LRRC9: variants seen among roughly 807,000 people sequenced by gnomAD.
LRRC9 encodes the protein leucine-rich repeat-containing protein 9.
In LRRC9, 122 loss-of-function variants were observed where a neutral mutation model predicts 63.2. That is an observed-to-expected ratio of 1.93 (90% CI 1.67 to 2.24). The LOEUF (loss-of-function observed/expected upper bound fraction) is 2.24, where lower values mean the gene tolerates loss of function less well. Ranked by LOEUF, LRRC9 falls within the 30% of genes most tolerant of loss-of-function variation. LRRC9 has a pLI of 0.00. For synonymous variants in LRRC9, 366 were observed against 213.1 expected (o/e 1.72, Z -6.25); for missense variants, 1,071 against 627.7 (o/e 1.71, Z -7.55).
intron 6 of LRRC9, among the ~76,000 whole-genome samples, chr14:59,935,724 C>G (rs963779855): frequency 6.6e-6 from 1 of 152,146 alleles, no homozygotes; most frequent in Non-Finnish European, 1.5e-5. Context: ...TGATATCAGA[C>G]GTGAGTAGGA....
chr14:60,032,824 C>A (rs1380991608), intron 29 of LRRC9, among the ~76,000 whole-genome samples: 2 of 152,106 alleles, frequency 1.3e-5, no homozygotes, highest in African/African-American at 2.4e-5. Flanking sequence ...AGAACACTTT[C>A]TTCCCAAGAA....
chr14:59,946,767 T>C (rs1413827135), intron 8 of LRRC9, among the ~76,000 whole-genome samples: 7 of 148,776 alleles, frequency 4.7e-5, no homozygotes, highest in Non-Finnish European at 8.9e-5. Context: ...TTTGGTTTTT[T>C]CTTCTTGCGA....
intron 1 of LRRC9, among the ~76,000 whole-genome samples, chr14:59,921,105 G>A (rs1888734696): frequency 6.6e-6 from 1 of 152,250 alleles, no homozygotes; most frequent in African/African-American, 2.4e-5. Context: ...AAATCTTTAG[G>A]GAAGTATGGA....
chr14:60,028,381 T>A (rs1486703755), intron 28 of LRRC9, among the ~76,000 whole-genome samples: 1 of 152,128 alleles, frequency 6.6e-6, no homozygotes, highest in African/African-American at 2.4e-5. Flanking sequence ...AGAGTTCTCA[T>A]TTGTTCCTTG....
chr14:59,937,364 A>G (rs1890224465), intron 6 of LRRC9, among the ~76,000 whole-genome samples: 1 of 152,118 alleles, frequency 6.6e-6, no homozygotes, highest in African/African-American at 2.4e-5. Context: ...CCCTTGGCTT[A>G]TAGACACAAG....
At chr14:60,029,807 T>C (rs921548953) in intron 28 of LRRC9, among the ~76,000 whole-genome samples, 1 of 152,096 alleles carries the variant, frequency 6.6e-6, no homozygotes, top group Non-Finnish European at 1.5e-5. Context: ...GAAGTGAGCA[T>C]TATTGATTAT....
Position 59,999,379 on chromosome 14 carries a change from G to C in LRRC9, c.2529+153G>C, listed in dbSNP as rs545155423. Among the ~76,000 whole-genome samples the C allele has an allele frequency of 5.9e-5, 9 of 152,050 alleles. No homozygotes were observed. In the East Asian group the frequency reaches 1.7e-3, roughly 29 times the overall value. ...AATCATACCACTTGGTATTTTTTCT[G>C]TTTAAATGTATCTCATTTAAATACC... On this transcript the variant is annotated intron_variant, in intron 19 of 31. Transcript: ENST00000445360.
chr14:60,047,584 T>G (rs1893540910), intron 29 of LRRC9, among the ~76,000 whole-genome samples: 1 of 152,170 alleles, frequency 6.6e-6, no homozygotes, highest in Non-Finnish European at 1.5e-5. Context: ...AATGTTTCAA[T>G]TCAACAAGAG....
At chr14:59,943,637 T>C (rs1252886273) in intron 7 of LRRC9, among the ~76,000 whole-genome samples, 1 of 152,124 alleles carries the variant, frequency 6.6e-6, no homozygotes, top group East Asian at 1.9e-4. Flanking sequence ...AATTGTTTTA[T>C]TTCTGGCAGG....
Position 59,930,843 on chromosome 14 carries a change from T to C in LRRC9, c.268-75T>C, listed in dbSNP as rs1404650065. 3.5e-6 allele frequency: 1 copy of C among 288,438 alleles called. No homozygotes were observed. The highest frequency in any genetic ancestry group is 6.4e-6 in the Non-Finnish European group (1 of 156,488). 17.9% of individuals were successfully genotyped at this position (288,438 alleles called of 1,614,324 possible). On this transcript the variant is annotated intron_variant, in intron 3 of 31. Coordinates refer to ENST00000445360, the Ensembl canonical transcript of LRRC9. This position sits in a 1 kb window ranked among gnomAD's most constrained non-coding sequence, Gnocchi z 4.9. ...ATATGATATTTAAAAGAAAATATAC[T>C]TAGAAACCTACTTCATTGGAAGGAT...
At chr14:59,991,292 G>C (rs1183031422) in intron 17 of LRRC9, among the ~76,000 whole-genome samples, 2 of 152,170 alleles carry the variant, frequency 1.3e-5, no homozygotes, top group South Asian at 4.1e-4. Context: ...ATATAAATGA[G>C]GTAAGTTGGT....
chr14:59,977,666 T>C (rs1886453145), intron 14 of LRRC9, among the ~76,000 whole-genome samples: 1 of 151,688 alleles, frequency 6.6e-6, no homozygotes, highest in Non-Finnish European at 1.5e-5. Context: ...AATACGTTTG[T>C]CAAAATTGCA....
At chr14:60,013,875 A>C (rs1334460213) in intron 23 of LRRC9, among the ~76,000 whole-genome samples, 1 of 152,024 alleles carries the variant, frequency 6.6e-6, no homozygotes, top group Non-Finnish European at 1.5e-5. Context: ...TTTATCTTTT[A>C]ATTGATGAAC....
chr14:59,993,550 G>A (rs1888406087), intron 17 of LRRC9, among the ~76,000 whole-genome samples: 1 of 152,166 alleles, frequency 6.6e-6, no homozygotes, highest in East Asian at 1.9e-4. Flanking sequence ...CCATCAGTGT[G>A]CTGTATTCAG....
intron 23 of LRRC9, among the ~76,000 whole-genome samples, chr14:60,009,131 G>A (rs1890050619): frequency 6.6e-6 from 1 of 152,042 alleles, no homozygotes; most frequent in Non-Finnish European, 1.5e-5. Flanking sequence ...TCATTTGAAG[G>A]GCCACATGAA....
intron 29 of LRRC9, 58 bp downstream of exon 29, chr14:60,032,121 A>G (rs1247188527): frequency 4.5e-6 from 3 of 666,338 alleles, no homozygotes; most frequent in Non-Finnish European, 8.1e-6. Context: ...TATAAAATTT[A>G]TTTTTATATG....
rs534432918 is a variant in LRRC9 at position 59,987,441 on chromosome 14, C to T, written c.2211+2217C>T. On this transcript the variant is annotated intron_variant, in intron 17 of 31. Transcript: ENST00000445360. ...AACATTCTCACCACCCAGAGATCAACCTTAACTTCTTTGTACTCTGTCTTT... is the reference window on the plus strand; with the variant it reads ...AACATTCTCACCACCCAGAGATCAATCTTAACTTCTTTGTACTCTGTCTTT... Among the ~76,000 whole-genome samples, 7 of 150,406 alleles carry T rather than the reference C, an allele frequency of 4.7e-5. 1 individual carries two copies. The South Asian group carries it at 6.3e-4, about 14-fold the overall frequency.
At chr14:60,038,747 A>G (rs912540759) in intron 29 of LRRC9, among the ~76,000 whole-genome samples, 3 of 152,198 alleles carry the variant, frequency 2.0e-5, no homozygotes, top group East Asian at 1.9e-4. Flanking sequence ...TCCTAACTGA[A>G]TACGCTTTAT....
At chr14:60,000,269 A>G (rs2140200686) in intron 19 of LRRC9, among the ~76,000 whole-genome samples, 1 of 152,250 alleles carries the variant, frequency 6.6e-6, no homozygotes, top group African/African-American at 2.4e-5. Context: ...AAAGATGGGG[A>G]CAATACACAT....
Sources: gnomAD v4.1 joint callset for allele counts (sites outside exome capture counted in the v4.1 genomes callset) on GRCh38, gnomAD v4.1.1 for gene constraint, Gnocchi (gnomAD v3.1) non-coding constraint, MANE v1.5 for transcripts, NCBI Gene and HGNC (gene_info 2026-07-23, HGNC 2026-07-21) for gene names.